The following SUSD6 variants were observed in gnomAD, a reference collection of about 807,000 sequenced individuals.
SUSD6 encodes sushi domain-containing protein 6.
SUSD6 carries 16 observed loss-of-function variants against 28.4 expected under a neutral mutation model. That is an observed-to-expected ratio of 0.56 (90% CI 0.38 to 0.86). The LOEUF is 0.86. SUSD6 is among the 40% of genes least tolerant of loss of function. The pLI, the probability that SUSD6 is intolerant of heterozygous loss-of-function variation, is 0.00. For synonymous variants in SUSD6, 147 were observed against 159.6 expected, an observed-to-expected ratio of 0.92 and a Z score of 0.59; for missense variants, 341 against 384.2, an observed-to-expected ratio of 0.89 and a Z score of 0.94.
At chr14:69,680,558 G>C (rs1331124392) in intron 2 of SUSD6, among the ~76,000 whole-genome samples, 1 of 151,944 alleles carries the variant, frequency 6.6e-6, no homozygotes, top group African/African-American at 2.4e-5. Context: ...ACAAACTCAG[G>C]GTCCCATAAG....
At chr14:69,688,215 G>A (rs1594718438) in intron 2 of SUSD6, among the ~76,000 whole-genome samples, 1 of 152,110 alleles carries the variant, frequency 6.6e-6, no homozygotes, top group Non-Finnish European at 1.5e-5. Flanking sequence ...CAAATAATTA[G>A]CATCTTAGTA....
At chr14:69,640,968 G>A (rs1359898167) in intron 1 of SUSD6, among the ~76,000 whole-genome samples, 1 of 152,190 alleles carries the variant, frequency 6.6e-6, no homozygotes, top group East Asian at 1.9e-4. Flanking sequence ...AGAGGATACT[G>A]TACTTGCAAA....
At chr14:69,627,610 G>A (rs373908277) in intron 1 of SUSD6, among the ~76,000 whole-genome samples, 19 of 151,958 alleles carry the variant, frequency 1.3e-4, no homozygotes, top group East Asian at 9.7e-4. Context: ...GATTACAGGC[G>A]CCCACCACCA....
chr14:69,683,673 C>G (rs1223489178), intron 2 of SUSD6, among the ~76,000 whole-genome samples: 1 of 152,058 alleles, frequency 6.6e-6, no homozygotes, highest in Non-Finnish European at 1.5e-5. Flanking sequence ...TGGAACAAGC[C>G]AAAGTGTGGA....
chr14:69,658,642 C>A lies in SUSD6; in HGVS notation c.50C>A (p.Ala17Asp). 1 of 1,614,074 alleles carries A rather than the reference C, an allele frequency of 6.2e-7. No homozygotes were observed. The highest frequency in any genetic ancestry group is 8.5e-7 in the Non-Finnish European group (1 of 1,179,934). The change falls in exon 2 of 6, where the codon GCC (alanine) becomes GAC (aspartate). Residue 17 changes from alanine to aspartate, a missense_variant. Physicochemically the swap from Ala to Asp is moderately radical, Grantham distance 126. Transcript: ENST00000342745. The part of the protein sequence containing the change: ...APKSTSVFAV[A>D]SVGHGVFLPL... ...AAGAGCACCTCAGTGTTTGCCGTGGCCTCCGTGGGACATGGAGTGTTCCTT... is the reference window on the plus strand; with the variant it reads ...AAGAGCACCTCAGTGTTTGCCGTGGACTCCGTGGGACATGGAGTGTTCCTT...
At chr14:69,696,363 A>G (rs562724750) in intron 2 of SUSD6, among the ~76,000 whole-genome samples, 2 of 152,246 alleles carry the variant, frequency 1.3e-5, no homozygotes, top group African/African-American at 2.4e-5. Flanking sequence ...TCTGTTTGCA[A>G]TAATTACTGT....
At chr14:69,632,244 C>G (rs1299341211) in intron 1 of SUSD6, among the ~76,000 whole-genome samples, 1 of 152,140 alleles carries the variant, frequency 6.6e-6, no homozygotes, top group Non-Finnish European at 1.5e-5. Context: ...TCTCCCTGGT[C>G]TAGGATGTCA....
Position 69,616,814 on chromosome 14 carries a change from T to A in SUSD6, c.-81+4986T>A, listed in dbSNP as rs555774338. On this transcript the variant is annotated intron_variant, in intron 1 of 5. Coordinates refer to ENST00000342745, the MANE Select transcript of SUSD6 (RefSeq NM_014734.4). ...ATTTTTTTCACTTAGCTTTTTTTTTTAACAGGTCATAAAATTCACCCATTT... is the reference window on the plus strand; with the variant it reads ...ATTTTTTTCACTTAGCTTTTTTTTTAAACAGGTCATAAAATTCACCCATTT... Among the ~76,000 whole-genome samples the A allele has an allele frequency of 1.7e-4, 26 of 152,296 alleles. No homozygotes were observed. In the South Asian group the frequency reaches 5.2e-3, roughly 30 times the overall value.
At position 69,703,514 on chromosome 14, in the gene SUSD6, A is replaced by G; in HGVS notation, c.241A>G (p.Lys81Glu). 6.2e-7 allele frequency: 1 copy of G among 1,614,172 alleles called. No individual in the cohort carries two copies. The highest frequency in any genetic ancestry group is 8.5e-7 in the Non-Finnish European group (1 of 1,180,012). ...EYLCAEGYMLKGDYKYLTCKN... is the reference protein window; with the variant it reads ...EYLCAEGYMLEGDYKYLTCKN... The stretch of plus-strand genomic sequence containing the variant: ...CCTGTGTGCTGAAGGCTACATGTTG[A>G]AGGGCGATTACAAATACCTGACGTG... The change falls in exon 3 of 6, where the codon AAG (lysine) becomes GAG (glutamate). Residue 81 changes from lysine to glutamate, a missense_variant. Transcript: ENST00000342745.
At chr14:69,710,217 C>T (rs1886443552) in intron 5 of SUSD6, among the ~76,000 whole-genome samples, 1 of 152,150 alleles carries the variant, frequency 6.6e-6, no homozygotes, top group Non-Finnish European at 1.5e-5. Flanking sequence ...GTGGGGCCCT[C>T]CTCTTCCTCC....
intron 1 of SUSD6, among the ~76,000 whole-genome samples, chr14:69,646,603 C>A (rs1299762348): frequency 2.0e-5 from 3 of 151,866 alleles, no homozygotes; most frequent in Non-Finnish European, 4.4e-5. Context: ...GTTCCCTGAC[C>A]AAACCTGCTT....
intron 1 of SUSD6, among the ~76,000 whole-genome samples, chr14:69,658,003 C>T (rs1885609582): frequency 6.6e-6 from 1 of 152,236 alleles, no homozygotes; most frequent in African/African-American, 2.4e-5. Context: ...GTCAGGTCCT[C>T]CGGCTCATCA....
At chr14:69,705,561 C>T (rs7143960) in intron 4 of SUSD6, among the ~76,000 whole-genome samples, 117,435 of 152,020 alleles carry the variant, frequency 0.77, 46,848 homozygotes, top group South Asian at 0.88. Flanking sequence ...TTCCCAGTCC[C>T]GGCTGCAATA....
rs10611584 is a variant in SUSD6, at chr14:69,667,370, CTTTTTTTTTTTTTTT to C, written c.121+8667_121+8681del. Among the ~76,000 whole-genome samples, 61 of 73,314 alleles carry C rather than the reference CTTTTTTTTTTTTTTT, an allele frequency of 8.3e-4. 1 individual carries two copies. The South Asian group carries it at 0.031, about 37-fold the overall frequency. The allele number at this position is 73,314 out of a possible 152,430, so 48.1% of individuals were successfully genotyped here. Reference sequence around the variant, plus strand: ...AACTGTGCATGGTTGCTCACAGTTTCTTTTTTTTTTTTTTTTTTTTTTTTGAGACGGAGTCTCGCT... The same window carrying C: ...AACTGTGCATGGTTGCTCACAGTTTCTTTTTTTTTGAGACGGAGTCTCGCT... On this transcript the variant is annotated intron_variant, in intron 2 of 5. Transcript: ENST00000342745.
At chr14:69,688,670 C>T (rs1366697566) in intron 2 of SUSD6, among the ~76,000 whole-genome samples, 2 of 152,234 alleles carry the variant, frequency 1.3e-5, no homozygotes, top group African/African-American at 2.4e-5. Flanking sequence ...CACTGGAAAA[C>T]TCGCAATGGA....
chr14:69,655,915 A>G (rs763768489), intron 1 of SUSD6, among the ~76,000 whole-genome samples: 2 of 152,166 alleles, frequency 1.3e-5, no homozygotes, highest in Non-Finnish European at 1.5e-5. Context: ...AATCCCTGCC[A>G]GTATGATCTT....
At chr14:69,695,823 C>G (rs1298550243) in intron 2 of SUSD6, among the ~76,000 whole-genome samples, 1 of 152,188 alleles carries the variant, frequency 6.6e-6, no homozygotes, top group Non-Finnish European at 1.5e-5. Context: ...TCAGATAGTG[C>G]CTGGCCTGTA....
intron 1 of SUSD6, among the ~76,000 whole-genome samples, chr14:69,636,923 T>G (rs1271416637): frequency 1.3e-5 from 2 of 152,202 alleles, no homozygotes; most frequent in Non-Finnish European, 2.9e-5. Context: ...CAAGAAGTCA[T>G]GATCATTTGA....
intron 1 of SUSD6, among the ~76,000 whole-genome samples, chr14:69,641,759 T>TA (rs145436615): frequency 6.8e-6 from 1 of 146,836 alleles, no homozygotes; most frequent in African/African-American, 2.5e-5. Context: ...CCAGATAATT[T>TA]AAAAAAAATT....
Sources: gnomAD v4.1 joint callset for allele counts (sites outside exome capture counted in the v4.1 genomes callset) on GRCh38, gnomAD v4.1.1 for gene constraint, MANE v1.5 for transcripts, NCBI Gene and HGNC (gene_info 2026-07-23, HGNC 2026-07-21) for gene names.